The following PARD3B variants were observed in gnomAD, a reference collection of about 807,000 sequenced individuals.
PARD3B encodes par-3 family cell polarity regulator beta.
In PARD3B, 103 loss-of-function variants were observed where a neutral mutation model predicts 130.2. The ratio of observed to expected loss-of-function variants is 0.79; its 90% CI spans 0.67 to 0.93. The LOEUF (loss-of-function observed/expected upper bound fraction) is 0.93. Ranked by LOEUF, PARD3B falls within the 40% of genes least tolerant of loss-of-function variation. The probability of loss-of-function intolerance (pLI) is 0.00; values close to 1 mark genes in which losing one functional copy is unlikely to be tolerated. For synonymous variants in PARD3B, 583 were observed against 553.2 expected (o/e 1.05, Z -0.76); for missense variants, 1,609 against 1,499.2 (o/e 1.07, Z -1.21).
At chr2:205,389,387 G>A (rs2105972239) in intron 18 of PARD3B, among the ~76,000 whole-genome samples, 1 of 152,144 alleles carries the variant, frequency 6.6e-6, no homozygotes, top group Admixed American at 6.5e-5. Flanking sequence ...TTTGAGACGG[G>A]GTTTCGTTCT....
At chr2:204,873,378 G>A (rs189936435) in intron 2 of PARD3B, among the ~76,000 whole-genome samples, 24 of 152,268 alleles carry the variant, frequency 1.6e-4, no homozygotes, top group African/African-American at 5.8e-4. Context: ...CAAGCCCCAG[G>A]TCTGAAAGTG....
At chr2:205,034,557 A>G (rs1697663254) in intron 3 of PARD3B, among the ~76,000 whole-genome samples, 1 of 152,180 alleles carries the variant, frequency 6.6e-6, no homozygotes, top group South Asian at 2.1e-4. Context: ...AAATACAACT[A>G]CATACACAAG....
At chr2:204,795,282 C>G (rs561695611) in intron 2 of PARD3B, among the ~76,000 whole-genome samples, 116 of 152,258 alleles carry the variant, frequency 7.6e-4, no homozygotes, top group African/African-American at 2.7e-3. Context: ...GTGATTGAGT[C>G]ATTTTGATAG....
At chr2:205,048,982 A>G (rs1203355807) in intron 4 of PARD3B, among the ~76,000 whole-genome samples, 1 of 152,236 alleles carries the variant, frequency 6.6e-6, no homozygotes, top group Non-Finnish European at 1.5e-5. Flanking sequence ...ACACTGGTTG[A>G]GACCATGTTG....
chr2:204,840,035 G>T lies in PARD3B; in HGVS notation c.223-125117G>T, dbSNP rs543092925. Among the ~76,000 whole-genome samples, 5 of 152,208 alleles carry T rather than the reference G, an allele frequency of 3.3e-5. No homozygotes were observed. The East Asian group carries it at 9.7e-4, about 29-fold the overall frequency. ...CCTCAGCCCCAAAAGCACATATTCA[G>T]GGAGGGAAGGTAAGGGATTTACATC... is the stretch of plus-strand genomic sequence containing the variant. On this transcript the variant is annotated intron_variant, in intron 2 of 22. Transcript: ENST00000406610.
chr2:205,300,854 G>T lies in PARD3B; in HGVS notation c.2392+118G>T, dbSNP rs2041971795. The T allele has an allele frequency of 4.6e-6, 5 of 1,088,518 alleles. No homozygotes were observed. The highest frequency in any genetic ancestry group is 1.7e-5 in the South Asian group (1 of 59,400). 67.4% of individuals were successfully genotyped at this position (1,088,518 alleles called of 1,614,324 possible). ...ATTTAAGGATCACAATTATATTTTT[G>T]ATATTAAAAGTAATTCATTTTCCTG... On this transcript the variant is annotated intron_variant, in intron 17 of 22. Coordinates refer to ENST00000406610, the MANE Select transcript of PARD3B (RefSeq NM_001302769.2). The surrounding 1 kb of genome is among the most constrained non-coding windows in gnomAD (Gnocchi z 4.1).
intron 19 of PARD3B, among the ~76,000 whole-genome samples, chr2:205,434,552 A>G (rs2047445548): frequency 6.6e-6 from 1 of 152,170 alleles, no homozygotes; most frequent in Non-Finnish European, 1.5e-5. Flanking sequence ...TAGAGAATTT[A>G]CTGGATGTAT....
chr2:204,837,344 A>G (rs2044079138), intron 2 of PARD3B, among the ~76,000 whole-genome samples: 1 of 152,150 alleles, frequency 6.6e-6, no homozygotes, highest in South Asian at 2.1e-4. Context: ...TTTTTAAATA[A>G]CTGAGTTTTA....
chr2:204,828,208 T>C (rs1242264133), intron 2 of PARD3B, among the ~76,000 whole-genome samples: 3 of 152,238 alleles, frequency 2.0e-5, no homozygotes, highest in Admixed American at 1.3e-4. Context: ...GCTATTGTTT[T>C]TGATGTTCAT....
At chr2:205,150,273 T>C (rs2033666837) in intron 10 of PARD3B, among the ~76,000 whole-genome samples, 1 of 147,460 alleles carries the variant, frequency 6.8e-6, no homozygotes. Context: ...TTGAAATCTG[T>C]GAGTGGAAAG....
chr2:204,977,933 A>G (rs1054785113), intron 3 of PARD3B, among the ~76,000 whole-genome samples: 1 of 152,004 alleles, frequency 6.6e-6, no homozygotes, highest in Non-Finnish European at 1.5e-5. Context: ...AGGCCCTTAG[A>G]GGATCAAAAT....
intron 21 of PARD3B, among the ~76,000 whole-genome samples, chr2:205,535,658 C>A (rs1457266578): frequency 6.6e-6 from 1 of 152,124 alleles, no homozygotes; most frequent in African/African-American, 2.4e-5. Flanking sequence ...AAGACATTAT[C>A]CAGTAAAAGG....
At chr2:205,090,661 C>T (rs544798664) in intron 4 of PARD3B, among the ~76,000 whole-genome samples, 26 of 152,246 alleles carry the variant, frequency 1.7e-4, no homozygotes, top group African/African-American at 2.4e-5. Context: ...GGCAGACAAC[C>T]GGAGGTGTTT....
At chr2:204,919,632 A>T (rs1320681646) in intron 2 of PARD3B, among the ~76,000 whole-genome samples, 4 of 152,158 alleles carry the variant, frequency 2.6e-5, no homozygotes, top group African/African-American at 9.7e-5. Flanking sequence ...AAAGTTATTT[A>T]TCCTTCCTCC....
At chr2:205,360,973 C>G (rs146061629) in intron 18 of PARD3B, among the ~76,000 whole-genome samples, 268 of 152,084 alleles carry the variant, frequency 1.8e-3, no homozygotes, top group Non-Finnish European at 2.9e-3. Flanking sequence ...GTCTAATATG[C>G]CTTCCTCATT....
intron 21 of PARD3B, among the ~76,000 whole-genome samples, chr2:205,519,960 A>G (rs2050964593): frequency 6.6e-6 from 1 of 152,148 alleles, no homozygotes; most frequent in South Asian, 2.1e-4. Flanking sequence ...GTGTTTCCTC[A>G]TCATTGCAGC....
At chr2:204,822,438 C>CG (rs1390883605) in intron 2 of PARD3B, among the ~76,000 whole-genome samples, 1 of 152,142 alleles carries the variant, frequency 6.6e-6, no homozygotes, top group East Asian at 1.9e-4. Flanking sequence ...ATTTCATAAA[C>CG]TGAGTTTAGC....
chr2:205,486,430 T>G (rs765795606), intron 20 of PARD3B, among the ~76,000 whole-genome samples: 6 of 152,156 alleles, frequency 3.9e-5, no homozygotes, highest in Non-Finnish European at 8.8e-5. Flanking sequence ...TAACTTTTGA[T>G]GCAATCTGCA....
chr2:204,969,409 A>G (rs1021966499), intron 3 of PARD3B, among the ~76,000 whole-genome samples: 1 of 152,212 alleles, frequency 6.6e-6, no homozygotes, highest in Non-Finnish European at 1.5e-5. Context: ...AAAGTAGCCA[A>G]TAAACAGAAT....
Sources: gnomAD v4.1 joint callset for allele counts (sites outside exome capture counted in the v4.1 genomes callset) on GRCh38, gnomAD v4.1.1 for gene constraint, Gnocchi (gnomAD v3.1) non-coding constraint, MANE v1.5 for transcripts, NCBI Gene and HGNC (gene_info 2026-07-23, HGNC 2026-07-21) for gene names.